The following TMEM100 variants were observed in gnomAD, a reference collection of about 807,000 sequenced individuals.
The protein encoded by TMEM100 is transmembrane protein 100.
For synonymous variants in TMEM100, 61 were observed against 67.1 expected (o/e 0.91, Z 0.44); for missense variants, 137 against 168.2 (o/e 0.81, Z 1.02).
Position 55,720,413 on chromosome 17 carries a change from G to A in TMEM100, c.*253C>T. On this transcript the variant is annotated 3_prime_UTR_variant, in exon 2 of 2. Transcript: ENST00000424486. Reference sequence around the variant, plus strand: ...ACTGTCTAATGCTGTGCACTCCCATGACCCCCAAAGTGTTTCATGTAAATA... The same window carrying A: ...ACTGTCTAATGCTGTGCACTCCCATAACCCCCAAAGTGTTTCATGTAAATA... 1.9e-6 allele frequency: 1 copy of A among 514,378 alleles called. No individual in the cohort carries two copies. The allele number at this position is 514,378 out of a possible 1,614,324, so 31.9% of individuals were successfully genotyped here. A position where few individuals can be genotyped will look rare whatever the true frequency, so the allele number is the denominator to read the frequency against.
chr17:55,723,750 A>C (rs1364358222), upstream of TMEM100, among the ~76,000 whole-genome samples: 2 of 152,186 alleles, frequency 1.3e-5, no homozygotes, highest in South Asian at 4.1e-4. Flanking sequence ...GTCTGTAACA[A>C]GCTCCCTACC....
chr17:55,731,360 T>C (rs1180374381), intron 1 of TMEM100, among the ~76,000 whole-genome samples: 1 of 152,194 alleles, frequency 6.6e-6, no homozygotes, highest in East Asian at 1.9e-4. Context: ...TCTCCAATAT[T>C]ATGCAATTAA....
At chr17:55,731,768 C>T (rs186323488) in exon 1 of TMEM100, 1 of 152,370 alleles carries the variant, frequency 6.6e-6, no homozygotes, top group East Asian at 1.9e-4. Flanking sequence ...CAGTCCCAAT[C>T]AGAAATTCTA....
In TMEM100 at chr17:55,720,789, T is replaced by C; in HGVS notation, c.282A>G (p.Ser94=). Residue 94 remains serine, a synonymous_variant, in exon 2 of 2, where the codon TCA becomes TCG. Coordinates refer to ENST00000424486, the MANE Select transcript of TMEM100 (RefSeq NM_018286.3). ...TGGAGGCTAGTAAAAAAAGTCCAGA[T>C]GACAGAACAACCAGGCCAAAGATGG... ...IISIFGLVVL[S]SGLFLLASSA... 1.9e-6 allele frequency: 3 copies of C among 1,614,188 alleles called. No individual in the cohort carries two copies. The highest frequency in any genetic ancestry group is 2.5e-6 in the Non-Finnish European group (3 of 1,180,022).
upstream of TMEM100, among the ~76,000 whole-genome samples, chr17:55,725,647 T>C (rs367974816): frequency 9.9e-5 from 15 of 151,766 alleles, 2 homozygotes; most frequent in Admixed American, 7.2e-4. Flanking sequence ...GGAAATCCCT[T>C]AAATGCTGCT....
At position 55,720,586 on chromosome 17, in the gene TMEM100, C is replaced by G. The variant is rs1180293095; in HGVS notation, c.*80G>C. The G allele has an allele frequency of 1.3e-5, 19 of 1,514,678 alleles. No individual in the cohort carries two copies. The highest frequency in any genetic ancestry group is 8.8e-7 in the Non-Finnish European group (1 of 1,130,276). The allele number at this position is 1,514,678 out of a possible 1,614,324, so 93.8% of individuals were successfully genotyped here. A position where few individuals can be genotyped will look rare whatever the true frequency, so the allele number is the denominator to read the frequency against. On this transcript the variant is annotated 3_prime_UTR_variant, in exon 2 of 2. Transcript: ENST00000424486. The stretch of plus-strand genomic sequence containing the variant: ...CTCCAACGCCAAGTCTGTTCTCTCC[C>G]ACCATGGTTCTGGGTGAATTGGGTG...
Position 55,720,584 on chromosome 17 carries a change from C to T in TMEM100, c.*82G>A, listed in dbSNP as rs774070404. ...TGCTCCAACGCCAAGTCTGTTCTCTCCCACCATGGTTCTGGGTGAATTGGG... is the reference window on the plus strand; with the variant it reads ...TGCTCCAACGCCAAGTCTGTTCTCTTCCACCATGGTTCTGGGTGAATTGGG... On this transcript the variant is annotated 3_prime_UTR_variant, in exon 2 of 2. Coordinates refer to ENST00000424486, the MANE Select transcript of TMEM100 (RefSeq NM_018286.3). The T allele has an allele frequency of 6.5e-5, 88 of 1,350,914 alleles. No individual in the cohort carries two copies. The highest frequency in any genetic ancestry group is 8.2e-5 in the Non-Finnish European group (84 of 1,020,682). The allele number at this position is 1,350,914 out of a possible 1,614,324, so 83.7% of individuals were successfully genotyped here.
At chr17:55,730,974 C>T (rs1909191945) in intron 1 of TMEM100, among the ~76,000 whole-genome samples, 1 of 152,050 alleles carries the variant, frequency 6.6e-6, no homozygotes, top group East Asian at 1.9e-4. Flanking sequence ...TTGGTAAAAC[C>T]AATGATCCCC....
rs77157861 is a variant in TMEM100 at position 55,728,303 on chromosome 17, C to T, written c.-358-321G>A. Among the ~76,000 whole-genome samples, 60 of 152,212 alleles carry T rather than the reference C, an allele frequency of 3.9e-4. No individual in the cohort carries two copies. In the East Asian group the frequency reaches 0.01, roughly 26 times the overall value. On this transcript the variant is annotated intron_variant, in intron 1 of 3. Transcript: ENST00000575734. ...ACATTTTCCTAAGTTTAGCTTAAGTCTCATTTTCTTGGGTTCAGGGTGATA... is the reference window on the plus strand; with the variant it reads ...ACATTTTCCTAAGTTTAGCTTAAGTTTCATTTTCTTGGGTTCAGGGTGATA...
At chr17:55,728,358 T>A (rs1567923844) in intron 1 of TMEM100, among the ~76,000 whole-genome samples, 1 of 152,188 alleles carries the variant, frequency 6.6e-6, no homozygotes, top group Non-Finnish European at 1.5e-5. Context: ...TTGGGAAAAG[T>A]GCTCTGAAAA....
upstream of TMEM100, among the ~76,000 whole-genome samples, chr17:55,727,635 C>G (rs1322945127): frequency 6.6e-6 from 1 of 152,206 alleles, no homozygotes; most frequent in East Asian, 1.9e-4. Flanking sequence ...ACCCAGTCGA[C>G]TCCTAATCGC....
chr17:55,727,327 C>T (rs1377456791), upstream of TMEM100, among the ~76,000 whole-genome samples: 1 of 152,224 alleles, frequency 6.6e-6, no homozygotes, highest in Admixed American at 6.5e-5. Context: ...AGAGTTACCT[C>T]AAAATGGGCT....
chr17:55,720,546 C>CCCCCCA lies in TMEM100; in HGVS notation c.*119_*120insTGGGGG. 8.6e-7 allele frequency: 1 copy of CCCCCCA among 1,164,974 alleles called. No individual in the cohort carries two copies. Among genetic ancestry groups the CCCCCCA allele is most frequent in the Non-Finnish European group, 1.2e-6 (1 of 832,368 alleles). 72.2% of individuals were successfully genotyped at this position (1,164,974 alleles called of 1,614,324 possible). On this transcript the variant is annotated 3_prime_UTR_variant, in exon 2 of 2. Transcript: ENST00000424486. ...AGAAGCCCCTCCACCCTCCCACCCCCATTCTTCCAGTCTGCTCCAACGCCA... is the reference window on the plus strand; with the variant it reads ...AGAAGCCCCTCCACCCTCCCACCCCCCCCCCAATTCTTCCAGTCTGCTCCAACGCCA...
rs545090735 is a variant in TMEM100, at chr17:55,722,754, G to A, written c.-201C>T. Reference sequence around the variant, plus strand: ...GCTGTCAATAAAACAATAGGTTAGGGATCTCTTCTGGGGAAAGGAAAAGAT... The same window carrying A: ...GCTGTCAATAAAACAATAGGTTAGGAATCTCTTCTGGGGAAAGGAAAAGAT... On this transcript the variant is annotated 5_prime_UTR_variant, in exon 1 of 2. Coordinates refer to ENST00000424486, the MANE Select transcript of TMEM100 (RefSeq NM_018286.3). 6.6e-6 allele frequency: 1 copy of A among 152,284 alleles called. No homozygotes were observed. Among genetic ancestry groups the A allele is most frequent in the South Asian group, 2.1e-4 (1 of 4,826 alleles). The allele number at this position is 152,284 out of a possible 1,614,324, so 9.4% of individuals were successfully genotyped here.
chr17:55,724,751 G>A (rs971369871), upstream of TMEM100, among the ~76,000 whole-genome samples: 5 of 152,180 alleles, frequency 3.3e-5, no homozygotes, highest in African/African-American at 1.2e-4. Flanking sequence ...AGCTAAAGGT[G>A]CAAACATTGA....
intron 1 of TMEM100, among the ~76,000 whole-genome samples, chr17:55,729,830 C>T (rs768893014): frequency 1.3e-5 from 2 of 152,062 alleles, no homozygotes; most frequent in Non-Finnish European, 2.9e-5. Flanking sequence ...CATAACTATG[C>T]AATTCTTTTT....
chr17:55,730,773 A>G (rs1909185103), intron 1 of TMEM100, among the ~76,000 whole-genome samples: 1 of 152,238 alleles, frequency 6.6e-6, no homozygotes, highest in Admixed American at 6.5e-5. Flanking sequence ...AGTTCAAAAT[A>G]GAACTGTTTA....
At chr17:55,730,701 G>A (rs1040808465) in intron 1 of TMEM100, among the ~76,000 whole-genome samples, 1 of 152,146 alleles carries the variant, frequency 6.6e-6, no homozygotes, top group Admixed American at 6.5e-5. Flanking sequence ...CTCTTAAAAA[G>A]TCTTTGATAT....
At position 55,720,592 on chromosome 17, in the gene TMEM100, G is replaced by A; in HGVS notation, c.*74C>T. 6.7e-7 allele frequency: 1 copy of A among 1,494,100 alleles called. No homozygotes were observed. Among genetic ancestry groups the A allele is most frequent in the Non-Finnish European group, 8.9e-7 (1 of 1,118,154 alleles). 92.6% of individuals were successfully genotyped at this position (1,494,100 alleles called of 1,614,324 possible). ...CGCCAAGTCTGTTCTCTCCCACCATGGTTCTGGGTGAATTGGGTGACAAAG... is the reference window on the plus strand; with the variant it reads ...CGCCAAGTCTGTTCTCTCCCACCATAGTTCTGGGTGAATTGGGTGACAAAG... On this transcript the variant is annotated 3_prime_UTR_variant, in exon 2 of 2. Coordinates refer to ENST00000424486, the MANE Select transcript of TMEM100 (RefSeq NM_018286.3).
Sources: gnomAD v4.1 joint callset for allele counts (sites outside exome capture counted in the v4.1 genomes callset) on GRCh38, gnomAD v4.1.1 for gene constraint, MANE v1.5 for transcripts, NCBI Gene and HGNC (gene_info 2026-07-23, HGNC 2026-07-21) for gene names.